TBC1D5: variants seen among roughly 807,000 people sequenced by gnomAD.
TBC1D5 encodes the protein TBC1 domain family member 5.
A neutral mutation model predicts 100.3 loss-of-function variants in TBC1D5; 75 were observed. That is an observed-to-expected ratio of 0.75 (90% CI 0.62 to 0.91). The LOEUF is 0.91. Among genes scored for constraint, TBC1D5 ranks in the 40% least tolerant of loss-of-function variants. The probability of loss-of-function intolerance (pLI) is 0.00; values close to 1 mark genes in which losing one functional copy is unlikely to be tolerated. For synonymous variants in TBC1D5, 323 were observed against 325.6 expected, an observed-to-expected ratio of 0.99 and a Z score of 0.09; for missense variants, 910 against 942.4, an observed-to-expected ratio of 0.97 and a Z score of 0.45.
intron 1 of TBC1D5, among the ~76,000 whole-genome samples, chr3:17,689,605 A>G (rs1162194310): frequency 1.3e-5 from 2 of 152,120 alleles, no homozygotes; most frequent in Non-Finnish European, 2.9e-5. Context: ...TAAATGTATA[A>G]TTCAGACAAT....
chr3:17,705,049 G>A (rs2073862855), intron 1 of TBC1D5, among the ~76,000 whole-genome samples: 1 of 138,424 alleles, frequency 7.2e-6, no homozygotes, highest in Admixed American at 6.9e-5. Flanking sequence ...CCAGGCGGGG[G>A]GCTGACCCCC....
At chr3:17,495,250 A>C (rs933540906) in intron 3 of TBC1D5, among the ~76,000 whole-genome samples, 16 of 152,220 alleles carry the variant, frequency 1.1e-4, no homozygotes, top group Non-Finnish European at 1.5e-4. Flanking sequence ...TTATACTTAA[A>C]TATTTATTGC....
chr3:17,538,158 C>A (rs1223562936), intron 2 of TBC1D5, among the ~76,000 whole-genome samples: 5 of 152,128 alleles, frequency 3.3e-5, no homozygotes, highest in Middle Eastern at 3.4e-3. Context: ...CCCCTGTTGC[C>A]CCCAGGACTG....
intron 1 of TBC1D5, among the ~76,000 whole-genome samples, chr3:17,736,750 G>A (rs1350877268): frequency 1.3e-5 from 2 of 152,196 alleles, no homozygotes; most frequent in Non-Finnish European, 2.9e-5. Context: ...AATGGCTCAT[G>A]CCTGTAATTC....
intron 19 of TBC1D5, among the ~76,000 whole-genome samples, chr3:17,176,905 C>G (rs1400954589): frequency 6.6e-6 from 1 of 152,018 alleles, no homozygotes; most frequent in Non-Finnish European, 1.5e-5. Context: ...AAGCTTGGAG[C>G]CTAAGTGAGG....
intron 13 of TBC1D5, among the ~76,000 whole-genome samples, chr3:17,332,306 G>A (rs1164208310): frequency 2.0e-5 from 3 of 152,190 alleles, no homozygotes; most frequent in Non-Finnish European, 2.9e-5. Flanking sequence ...GGGCAAGTAA[G>A]TGGATGCTGG....
chr3:17,263,398 A>T (rs966594190), intron 15 of TBC1D5, among the ~76,000 whole-genome samples: 3 of 151,810 alleles, frequency 2.0e-5, no homozygotes, highest in Admixed American at 6.6e-5. Flanking sequence ...AGAAAGAAAA[A>T]AAAGAAATGA....
At chr3:17,282,051 G>T (rs554306043) in intron 15 of TBC1D5, among the ~76,000 whole-genome samples, 1 of 152,124 alleles carries the variant, frequency 6.6e-6, no homozygotes, top group Non-Finnish European at 1.5e-5. Flanking sequence ...TAAGTGATTA[G>T]CTAGGTAGTC....
chr3:17,421,304 T>A (rs1021342214), intron 4 of TBC1D5, among the ~76,000 whole-genome samples: 9 of 152,178 alleles, frequency 5.9e-5, no homozygotes, highest in African/African-American at 2.2e-4. Flanking sequence ...ACAAAAAGGC[T>A]ATACATTTTG....
chr3:17,253,046 GT>G (rs2077306880), intron 16 of TBC1D5, among the ~76,000 whole-genome samples: 1 of 152,134 alleles, frequency 6.6e-6, no homozygotes, highest in South Asian at 2.1e-4. Context: ...TAAATATTTA[GT>G]TTAACGATTG....
intron 1 of TBC1D5, among the ~76,000 whole-genome samples, chr3:17,627,649 A>C: frequency 1.3e-5 from 2 of 152,014 alleles, no homozygotes; most frequent in Middle Eastern, 3.4e-3. Context: ...AACAATTTTT[A>C]AATATTCTGG....
chr3:17,378,442 GTTTA>G (rs1471694862), intron 9 of TBC1D5, among the ~76,000 whole-genome samples: 1 of 151,796 alleles, frequency 6.6e-6, no homozygotes, highest in Non-Finnish European at 1.5e-5. Context: ...AATTGTTATA[GTTTA>G]TTTAAATGCT....
chr3:17,693,815 G>A (rs546568583), intron 1 of TBC1D5, among the ~76,000 whole-genome samples: 1 of 152,216 alleles, frequency 6.6e-6, no homozygotes, highest in Non-Finnish European at 1.5e-5. Context: ...CAAACTGGGA[G>A]ACACCTACCA....
chr3:17,640,132 T>C (rs144701889), intron 1 of TBC1D5, among the ~76,000 whole-genome samples: 2 of 152,130 alleles, frequency 1.3e-5, no homozygotes, highest in East Asian at 3.9e-4. Flanking sequence ...AGTCCACCAG[T>C]ATAACAATAA....
At chr3:17,492,233 T>C (rs2095648199) in intron 3 of TBC1D5, among the ~76,000 whole-genome samples, 2 of 152,102 alleles carry the variant, frequency 1.3e-5, no homozygotes, top group South Asian at 2.1e-4. Flanking sequence ...AAAAACCAGC[T>C]CCTGGATTCA....
chr3:17,334,414 T>C (rs566484375), intron 13 of TBC1D5, among the ~76,000 whole-genome samples: 79 of 152,300 alleles, frequency 5.2e-4, no homozygotes, highest in South Asian at 1.9e-3. Flanking sequence ...GGATATTTTA[T>C]GTAAGACATT....
chr3:17,717,257 CA>C (rs11322595), intron 1 of TBC1D5, among the ~76,000 whole-genome samples: 81,041 of 140,646 alleles, frequency 0.58, 23,040 homozygotes, highest in East Asian at 0.98. Context: ...AAGGATTTTT[CA>C]AAAAAAAAAA....
intron 1 of TBC1D5, among the ~76,000 whole-genome samples, chr3:17,694,489 G>GTT (rs1217913182): frequency 3.9e-5 from 6 of 152,150 alleles, no homozygotes; most frequent in African/African-American, 1.4e-4. Context: ...CTAGAAGAAA[G>GTT]GGTATCAGTG....
intron 3 of TBC1D5, among the ~76,000 whole-genome samples, chr3:17,496,792 A>G (rs2095712961): frequency 6.6e-6 from 1 of 152,230 alleles, no homozygotes; most frequent in Non-Finnish European, 1.5e-5. Context: ...TAAAATAGCT[A>G]TCATTCCTAT....
Sources: allele counts gnomAD v4.1 joint callset (sites outside exome capture counted in the v4.1 genomes callset), GRCh38; gene constraint gnomAD v4.1.1; transcripts MANE v1.5; gene names NCBI Gene and HGNC (gene_info 2026-07-23, HGNC 2026-07-21).